COPG2: variants seen among roughly 807,000 people sequenced by gnomAD.
COPG2 encodes coatomer subunit gamma-2.
COPG2 carries 37 observed loss-of-function variants against 46.3 expected under a neutral mutation model. The observed-to-expected ratio is 0.80, with a 90% CI of 0.61 to 1.05. COPG2 has a LOEUF of 1.05. COPG2 is among the 50% of genes least tolerant of loss of function. The probability of loss-of-function intolerance (pLI) is 0.00; values close to 1 mark genes in which losing one functional copy is unlikely to be tolerated. For missense variants in COPG2, 427 were observed against 387.8 expected (o/e 1.10, Z -0.85); for synonymous variants, 159 against 129.7 (o/e 1.23, Z -1.53).
intron 21 of COPG2, 196 bp downstream of exon 21, chr7:130,508,366 C>T (rs996539816): frequency 5.5e-5 from 26 of 470,204 alleles, no homozygotes; most frequent in South Asian, 4.7e-4. Context: ...AGTGGTAAAT[C>T]TCAATTCTCT....
chr7:130,660,706 C>T (rs1400328467), intron 4 of COPG2, among the ~76,000 whole-genome samples: 1 of 152,070 alleles, frequency 6.6e-6, no homozygotes, highest in Non-Finnish European at 1.5e-5. Context: ...CATTCCTCGA[C>T]CTCCTCTTCT....
chr7:130,591,515 A>T (rs1376928548), intron 9 of COPG2, among the ~76,000 whole-genome samples: 1 of 91,076 alleles, frequency 1.1e-5, no homozygotes, highest in Non-Finnish European at 2.3e-5. Context: ...CCCATCCGGG[A>T]GGTGAGGGGT....
chr7:130,600,776 T>G (rs550342014), intron 9 of COPG2, among the ~76,000 whole-genome samples: 157 of 152,346 alleles, frequency 1.0e-3, no homozygotes, highest in African/African-American at 3.6e-3. Flanking sequence ...TCTTTTAATA[T>G]GTAAATTCAA....
chr7:130,556,176 G>C (rs1793619870), intron 12 of COPG2, among the ~76,000 whole-genome samples: 1 of 152,172 alleles, frequency 6.6e-6, no homozygotes, highest in Non-Finnish European at 1.5e-5. Flanking sequence ...AAGTATGCCT[G>C]TCCTTTTTTC....
chr7:130,658,344 A>G (rs1016638581), intron 4 of COPG2, among the ~76,000 whole-genome samples: 1 of 152,220 alleles, frequency 6.6e-6, no homozygotes, highest in Non-Finnish European at 1.5e-5. Context: ...AGGCAAATTT[A>G]TAAGGACAGA....
rs1034189650 is a variant in COPG2 at position 130,507,284 on chromosome 7, G to C, written c.2475C>G (p.Leu825=). 1 of 780,700 alleles carries C rather than the reference G, an allele frequency of 1.3e-6. No individual in the cohort carries two copies. Among genetic ancestry groups the C allele is most frequent in the Non-Finnish European group, 2.4e-6 (1 of 417,836 alleles). 48.4% of individuals were successfully genotyped at this position (780,700 alleles called of 1,614,324 possible). The change falls in exon 23 of 24, where the codon CTC becomes CTG. Residue 825 remains leucine (L), a synonymous_variant. Transcript: ENST00000425248. ...ATGGAAGCTTCTTACCTGCCAGATA[G>C]AGCGAATGGGAATTCTTGTTCTCAG... The part of the protein sequence containing the change: ...KVPENKNSHS[L]YLAGIFRGGY...
chr7:130,594,170 C>T (rs1240867456), intron 9 of COPG2, among the ~76,000 whole-genome samples: 2 of 152,062 alleles, frequency 1.3e-5, no homozygotes, highest in East Asian at 3.8e-4. Flanking sequence ...GGATAGTAAA[C>T]ACAGAAAAAA....
chr7:130,540,779 A>C (rs1799927559), intron 20 of COPG2, among the ~76,000 whole-genome samples: 1 of 152,146 alleles, frequency 6.6e-6, no homozygotes, highest in African/African-American at 2.4e-5. Flanking sequence ...GTGGCCATCC[A>C]TAGCAGTGAT....
intron 20 of COPG2, among the ~76,000 whole-genome samples, chr7:130,520,831 G>T (rs1799717873): frequency 6.6e-6 from 1 of 152,094 alleles, no homozygotes; most frequent in Admixed American, 6.5e-5. Flanking sequence ...ACATTCCATT[G>T]TTCCTTGCAG....
intron 5 of COPG2, among the ~76,000 whole-genome samples, chr7:130,648,687 G>A (rs782268038): frequency 7.2e-5 from 11 of 152,196 alleles, no homozygotes; most frequent in Non-Finnish European, 1.2e-4. Flanking sequence ...AAGCAATTCT[G>A]AAATCCAGTT....
chr7:130,526,587 A>T lies in COPG2; in HGVS notation c.2150-17928T>A, dbSNP rs1442036110. On this transcript the variant is annotated intron_variant, in intron 20 of 23. Transcript: ENST00000425248. ...GCGTGGTGGAAGGGAGCTGGGCAGGACAGCCACAGGCAGGACAGCCATAGG... is the reference window on the plus strand; with the variant it reads ...GCGTGGTGGAAGGGAGCTGGGCAGGTCAGCCACAGGCAGGACAGCCATAGG... Among the ~76,000 whole-genome samples the T allele has an allele frequency of 2.7e-5, 4 of 150,776 alleles. No individual in the cohort carries two copies. In the Admixed American group the frequency reaches 2.8e-4, roughly 11 times the overall value.
intron 9 of COPG2, among the ~76,000 whole-genome samples, chr7:130,598,256 T>A (rs1794567388): frequency 6.6e-6 from 1 of 152,116 alleles, no homozygotes; most frequent in Non-Finnish European, 1.5e-5. Flanking sequence ...CAGTACTGCC[T>A]CAGGGCTTTA....
chr7:130,560,383 A>C (rs1390996511), intron 12 of COPG2, among the ~76,000 whole-genome samples: 1 of 152,172 alleles, frequency 6.6e-6, no homozygotes, highest in African/African-American at 2.4e-5. Flanking sequence ...CATGAAATAG[A>C]AAAATAATGT....
chr7:130,593,997 G>A (rs945267496), intron 9 of COPG2, among the ~76,000 whole-genome samples: 6 of 152,110 alleles, frequency 3.9e-5, no homozygotes, highest in Admixed American at 1.3e-4. Context: ...GAAGAGACAA[G>A]CTAGAGTATG....
At chr7:130,644,202 G>A (rs1448006089) in intron 5 of COPG2, among the ~76,000 whole-genome samples, 1 of 152,070 alleles carries the variant, frequency 6.6e-6, no homozygotes, top group Non-Finnish European at 1.5e-5. Context: ...ATCATTTTGG[G>A]GGTGGAAAGG....
At chr7:130,571,250 A>G (rs1427121195) in intron 9 of COPG2, among the ~76,000 whole-genome samples, 2 of 152,218 alleles carry the variant, frequency 1.3e-5, no homozygotes, top group African/African-American at 4.8e-5. Flanking sequence ...TCAGCATAGT[A>G]AACAGACAAC....
At chr7:130,508,733 C>G in intron 20 of COPG2, 74 bp from the exon 21 acceptor site, 1 of 187,598 alleles carries the variant, frequency 5.3e-6, no homozygotes, top group Non-Finnish European at 9.9e-6. Context: ...CATCTGTACT[C>G]AGCACTGTGT....
At chr7:130,529,431 T>TA (rs1799803618) in intron 20 of COPG2, among the ~76,000 whole-genome samples, 1 of 151,974 alleles carries the variant, frequency 6.6e-6, no homozygotes, top group African/African-American at 2.4e-5. Context: ...TTGATGGACA[T>TA]AAAAAAGGAC....
At chr7:130,507,162 G>C in intron 23 of COPG2, 112 bp downstream of exon 23, 1 of 698,762 alleles carries the variant, frequency 1.4e-6, no homozygotes, top group South Asian at 1.7e-5. Context: ...GTATCAAATT[G>C]TTACTCATAT....
Sources: allele counts gnomAD v4.1 joint callset (sites outside exome capture counted in the v4.1 genomes callset), GRCh38; gene constraint gnomAD v4.1.1; transcripts MANE v1.5; gene names NCBI Gene and HGNC (gene_info 2026-07-23, HGNC 2026-07-21).